The following IL34 variants were observed in gnomAD, a reference collection of about 807,000 sequenced individuals.
The protein encoded by IL34 is interleukin-34.
Under a neutral mutation model 25.3 loss-of-function variants are expected in IL34, and 17 were observed. That is an observed-to-expected ratio of 0.67 (90% CI 0.46 to 1.01). IL34 has a LOEUF of 1.01. Ranked by LOEUF, IL34 falls within the 50% of genes least tolerant of loss-of-function variation. The probability of loss-of-function intolerance (pLI) is 0.00; values close to 1 mark genes in which losing one functional copy is unlikely to be tolerated. For missense variants in IL34, 368 were observed against 312.9 expected, an observed-to-expected ratio of 1.18 and a Z score of -1.33; for synonymous variants, 174 against 140.9, an observed-to-expected ratio of 1.23 and a Z score of -1.66.
chr16:70,614,554 C>T (rs757164508), intron 1 of IL34, among the ~76,000 whole-genome samples: 2 of 152,196 alleles, frequency 1.3e-5, no homozygotes, highest in South Asian at 4.1e-4. Flanking sequence ...CTGCTGAACA[C>T]GGAACCTGTT....
chr16:70,621,295 C>T (rs1237413095), intron 1 of IL34, among the ~76,000 whole-genome samples: 1 of 152,130 alleles, frequency 6.6e-6, no homozygotes, highest in Non-Finnish European at 1.5e-5. Flanking sequence ...CTTCCCAGTC[C>T]GTGACTGGCA....
At chr16:70,639,170 A>G (rs2051723789) in intron 1 of IL34, among the ~76,000 whole-genome samples, 2 of 152,218 alleles carry the variant, frequency 1.3e-5, no homozygotes, top group Non-Finnish European at 2.9e-5. Flanking sequence ...TTGATCACAG[A>G]TAGGTGGCAC....
chr16:70,659,514 T>G, intron 4 of IL34, 104 bp from the exon 5 acceptor site: 1 of 1,394,628 alleles, frequency 7.2e-7, no homozygotes, highest in East Asian at 2.4e-5. Flanking sequence ...AGTCTGGTCC[T>G]TCTTCCGGGG....
At chr16:70,611,669 C>A (rs1036276705) in intron 1 of IL34, among the ~76,000 whole-genome samples, 1 of 151,970 alleles carries the variant, frequency 6.6e-6, no homozygotes, top group African/African-American at 2.4e-5. Flanking sequence ...CATGGTGAAA[C>A]CCCGTTTCTA....
upstream of IL34, among the ~76,000 whole-genome samples, chr16:70,643,203 C>T (rs2051828185): frequency 6.6e-6 from 1 of 152,030 alleles, no homozygotes; most frequent in Admixed American, 6.6e-5. Context: ...GCTGGGATTA[C>T]AGGTGCGCAC....
intron 1 of IL34, among the ~76,000 whole-genome samples, chr16:70,628,413 A>AT (rs1488803308): frequency 5.3e-5 from 8 of 151,580 alleles, no homozygotes; most frequent in East Asian, 3.9e-4. Context: ...GGTATTTTAC[A>AT]TTTTTTGTTG....
At chr16:70,645,892 A>G (rs191655212), upstream of IL34, among the ~76,000 whole-genome samples, 2 of 152,096 alleles carry the variant, frequency 1.3e-5, no homozygotes, top group Admixed American at 6.5e-5. Flanking sequence ...ATCTCTACTA[A>G]AAATACAAAA....
chr16:70,583,133 G>A (rs1597731613), intron 1 of IL34, among the ~76,000 whole-genome samples: 1 of 152,094 alleles, frequency 6.6e-6, no homozygotes, highest in Non-Finnish European at 1.5e-5. Context: ...TCTTTTTTGA[G>A]ACGGAGTCTT....
rs2052384249 is a variant in IL34 at position 70,660,627 on chromosome 16, C to A, written c.*440C>A. Reference sequence around the variant, plus strand: ...GGGCGGTGCCAAGTGCCACATCTTGCCATAGTGGATGCTCTTCCAGTTTCT... The same window carrying A: ...GGGCGGTGCCAAGTGCCACATCTTGACATAGTGGATGCTCTTCCAGTTTCT... On this transcript the variant is annotated 3_prime_UTR_variant, in exon 6 of 6. Coordinates refer to ENST00000288098, the MANE Select transcript of IL34 (RefSeq NM_001393494.1). 1 of 167,900 alleles carries A rather than the reference C, an allele frequency of 6.0e-6. No individual in the cohort carries two copies. Among genetic ancestry groups the A allele is most frequent in the Non-Finnish European group, 1.3e-5 (1 of 78,596 alleles). 10.4% of individuals were successfully genotyped at this position (167,900 alleles called of 1,614,324 possible).
chr16:70,587,883 A>G (rs561729972), intron 1 of IL34, among the ~76,000 whole-genome samples: 1 of 152,180 alleles, frequency 6.6e-6, no homozygotes, highest in South Asian at 2.1e-4. Flanking sequence ...CACTAAAAAT[A>G]CAAAAATTAG....
intron 1 of IL34, among the ~76,000 whole-genome samples, chr16:70,585,350 G>A (rs2050680306): frequency 6.6e-6 from 1 of 152,132 alleles, no homozygotes; most frequent in Non-Finnish European, 1.5e-5. Context: ...CAGCCTCTCA[G>A]GTTGCTGAGA....
chr16:70,589,367 C>G (rs868690097), intron 1 of IL34, among the ~76,000 whole-genome samples: 3 of 152,072 alleles, frequency 2.0e-5, no homozygotes, highest in Non-Finnish European at 2.9e-5. Flanking sequence ...CAATAGTTAT[C>G]TTTTCTGTTC....
At chr16:70,622,587 A>T (rs949186630) in intron 1 of IL34, among the ~76,000 whole-genome samples, 1 of 152,018 alleles carries the variant, frequency 6.6e-6, no homozygotes, top group Non-Finnish European at 1.5e-5. Context: ...ACAGGAAAGA[A>T]GGAAATTTGG....
At chr16:70,609,463 C>A (rs1376795036) in intron 1 of IL34, among the ~76,000 whole-genome samples, 2 of 152,172 alleles carry the variant, frequency 1.3e-5, no homozygotes, top group South Asian at 4.2e-4. Flanking sequence ...CAGCCTTAGT[C>A]TTCTGTTTGT....
At position 70,633,935 on chromosome 16, in the gene IL34, C is replaced by T. The variant is rs532441942; in HGVS notation, c.-400-12613C>T. 1.6e-3 allele frequency among the ~76,000 whole-genome samples: 244 copies of T among 152,066 alleles called. 2 individuals carry two copies. The highest frequency in any genetic ancestry group is 5.4e-3 in the African/African-American group (224 of 41,478). On this transcript the variant is annotated intron_variant, in intron 1 of 6. Transcript: ENST00000429149. Reference sequence around the variant, plus strand: ...GCGTGATCTTGGCTCACTGCAACCTCCGCCTCCTGGGTTCAAGCGATTCTG... The same window carrying T: ...GCGTGATCTTGGCTCACTGCAACCTTCGCCTCCTGGGTTCAAGCGATTCTG...
chr16:70,627,364 G>C (rs1468646740), intron 1 of IL34, among the ~76,000 whole-genome samples: 1 of 151,954 alleles, frequency 6.6e-6, no homozygotes, highest in East Asian at 1.9e-4. Context: ...CCAGCGTGTA[G>C]AAGCCCCCCA....
At chr16:70,612,929 C>A (rs369683524) in intron 1 of IL34, among the ~76,000 whole-genome samples, 1 of 152,126 alleles carries the variant, frequency 6.6e-6, no homozygotes, top group African/African-American at 2.4e-5. Context: ...GGGATCACCA[C>A]GCCCAGCTAA....
At chr16:70,639,495 C>T (rs1219739650) in intron 1 of IL34, among the ~76,000 whole-genome samples, 1 of 152,146 alleles carries the variant, frequency 6.6e-6, no homozygotes, top group Non-Finnish European at 1.5e-5. Flanking sequence ...AATTAGCAGC[C>T]CTCAGTGAAT....
At chr16:70,659,022 A>G (rs2052308456) in intron 4 of IL34, among the ~76,000 whole-genome samples, 2 of 151,826 alleles carry the variant, frequency 1.3e-5, no homozygotes, top group African/African-American at 4.8e-5. Context: ...CCTTGTTGTC[A>G]CCCCCTTCCA....
Sources: gnomAD v4.1 joint callset for allele counts (sites outside exome capture counted in the v4.1 genomes callset) on GRCh38, gnomAD v4.1.1 for gene constraint, MANE v1.5 for transcripts, NCBI Gene and HGNC (gene_info 2026-07-23, HGNC 2026-07-21) for gene names.